HSPG2: variants seen among roughly 807,000 people sequenced by gnomAD.
The protein encoded by HSPG2 is basement membrane-specific heparan sulfate proteoglycan core protein.
In HSPG2, 278 loss-of-function variants were observed where a neutral mutation model predicts 526.6. The ratio of observed to expected loss-of-function variants is 0.53; its 90% confidence interval spans 0.48 to 0.58. The LOEUF (loss-of-function observed/expected upper bound fraction) is 0.58, where lower values mean the gene tolerates loss of function less well. Among genes scored for constraint, HSPG2 ranks in the 20% least tolerant of loss-of-function variants. The pLI is 0.00. For synonymous variants in HSPG2, 2,465 were observed against 2,555.4 expected, an observed-to-expected ratio of 0.96 and a Z score of 1.07; for missense variants, 5,354 against 6,099.5, an observed-to-expected ratio of 0.88 and a Z score of 4.07.
Position 21,864,981 on chromosome 1 carries a change from C to A in HSPG2, c.4488G>T (p.Thr1496=). 1 of 1,589,874 alleles carries A rather than the reference C, an allele frequency of 6.3e-7. No individual in the cohort carries two copies. The highest frequency in any genetic ancestry group is 8.5e-7 in the Non-Finnish European group (1 of 1,170,268). Residue 1496 remains threonine (T), a synonymous_variant, in exon 36 of 97, where the codon ACG becomes ACT. Coordinates refer to ENST00000374695, the MANE Select transcript of HSPG2 (RefSeq NM_005529.7). The surrounding 1 kb of genome is among the most constrained non-coding windows in gnomAD (Gnocchi z 4.8). ...TGGCCGCCAGCGGCACGGAGGAGAACGTGGCCCGGATCAGGAGCTCATCCA... is the reference window on the plus strand; with the variant it reads ...TGGCCGCCAGCGGCACGGAGGAGAAAGTGGCCCGGATCAGGAGCTCATCCA... ...ADLDELLIRA[T]FSSVPLAASI... is the part of the protein sequence containing the mutation.
chr1:21,830,778 G>A (rs1363242415), intron 85 of HSPG2: 5 of 597,142 alleles, frequency 8.4e-6, no homozygotes, highest in Non-Finnish European at 1.5e-5. Context: ...CAGCAGGGCT[G>A]GAGGAGGGGA....
rs773100668 is a variant in HSPG2 at position 21,872,910 on chromosome 1, G to A, written c.3888+87C>T. 1.4e-5 allele frequency: 22 copies of A among 1,546,532 alleles called. No homozygotes were observed. The highest frequency in any genetic ancestry group is 3.3e-4 in the Middle Eastern group (2 of 5,984). ...GCCCTGCCCCCCATGCCCAGGTCTC[G>A]GCTTCCACCAGATGCTGCCTGATTT... On this transcript the variant is annotated intron_variant, in intron 31 of 96. Transcript: ENST00000374695. This position sits in a 1 kb window ranked among gnomAD's most constrained non-coding sequence, Gnocchi z 5.5.
At position 21,878,225 on chromosome 1, in the gene HSPG2, A is replaced by C. The variant is rs771246913; in HGVS notation, c.2646T>G (p.Arg882=). The change falls in exon 21 of 97, where the codon CGT becomes CGG. Residue 882 remains arginine, a synonymous_variant. Transcript: ENST00000374695. Reference sequence around the variant, plus strand: ...CCTCCCCGGAGGTCCCCATGCTGCCACGCTCGTCACAGCGCACAATCTCCT... The same window carrying C: ...CCTCCCCGGAGGTCCCCATGCTGCCCCGCTCGTCACAGCGCACAATCTCCT... The part of the protein sequence containing the change: ...VNQEIVRCDE[R]GSMGTSGEAC... 1.2e-6 allele frequency: 2 copies of C among 1,613,864 alleles called. No individual in the cohort carries two copies. The highest frequency in any genetic ancestry group is 1.7e-6 in the Non-Finnish European group (2 of 1,180,014).
intron 1 of HSPG2, chr1:21,908,702 CAACTTA>C (rs1643509738): frequency 7.1e-6 from 3 of 420,400 alleles, no homozygotes; most frequent in Admixed American, 8.2e-5. Flanking sequence ...TGAAAGCCAT[CAACTTA>C]AACGACCCCA....
At chr1:21,889,936 C>CTTT in intron 6 of HSPG2, 45 bp downstream of exon 6, 1 of 1,610,266 alleles carries the variant, frequency 6.2e-7, no homozygotes, top group Non-Finnish European at 8.5e-7. Flanking sequence ...AAAGGGGACC[C>CTTT]CACGAGTCTG....
At chr1:21,900,911 G>A (rs528154983) in intron 1 of HSPG2, among the ~76,000 whole-genome samples, 1 of 152,000 alleles carries the variant, frequency 6.6e-6, no homozygotes, top group East Asian at 1.9e-4. Flanking sequence ...CAAGCTCATT[G>A]GGTGCCAAGC....
chr1:21,824,472 G>C lies in HSPG2; in HGVS notation c.12744+65C>G. 1 of 1,602,790 alleles carries C rather than the reference G, an allele frequency of 6.2e-7. No homozygotes were observed. The highest frequency in any genetic ancestry group is 8.5e-7 in the Non-Finnish European group (1 of 1,172,258). On this transcript the variant is annotated intron_variant, in intron 93 of 96. Transcript: ENST00000374695. This position sits in a 1 kb window ranked among gnomAD's most constrained non-coding sequence, Gnocchi z 5.9. ...TGCTTTCCCCTCCCCCCACCACTCC[G>C]GCCACCAGGAAGCCAGCTTCCTGCC...
intron 46 of HSPG2, 35 bp from the exon 47 acceptor site, chr1:21,855,481 C>T: frequency 6.2e-7 from 1 of 1,612,394 alleles, no homozygotes; most frequent in Non-Finnish European, 8.5e-7. Flanking sequence ...ACGCCCTGGG[C>T]TGAGCACACT....
chr1:21,836,685 G>T, intron 75 of HSPG2, 117 bp downstream of exon 75: 1 of 858,288 alleles, frequency 1.2e-6, no homozygotes, highest in Non-Finnish European at 1.9e-6. Flanking sequence ...GAGGTAAAGT[G>T]ATGTGTCCAA....
In HSPG2 at chr1:21,873,366, C is replaced by G; in HGVS notation, c.3793+9G>C. 2 of 1,614,216 alleles carry G rather than the reference C, an allele frequency of 1.2e-6. No homozygotes were observed. The highest frequency in any genetic ancestry group is 8.5e-7 in the Non-Finnish European group (1 of 1,180,024). ...ACCCGACCCCAATGACCTCCCCAAT[C>G]CTACTCACTCTGGCATGGCTGGCCC... is the stretch of plus-strand genomic sequence containing the variant. On this transcript the variant is annotated intron_variant, in intron 30 of 96. Coordinates refer to ENST00000374695, the MANE Select transcript of HSPG2 (RefSeq NM_005529.7).
chr1:21,863,065 A>ACAAC (rs1284437509), intron 37 of HSPG2, among the ~76,000 whole-genome samples: 2 of 72,646 alleles, frequency 2.8e-5, no homozygotes, highest in South Asian at 5.5e-4. Flanking sequence ...CATCTCAAAA[A>ACAAC]AAAAAAAAAA....
chr1:21,842,957 T>C, intron 66 of HSPG2, 36 bp from the exon 67 acceptor site: 1 of 1,612,958 alleles, frequency 6.2e-7, no homozygotes, highest in Non-Finnish European at 8.5e-7. Flanking sequence ...GAGGCCAGGC[T>C]CCGGGGATCA....
chr1:21,833,021 A>C (rs1012990166), intron 80 of HSPG2: 2 of 587,070 alleles, frequency 3.4e-6, no homozygotes, highest in Non-Finnish European at 6.2e-6. Context: ...ACTGGGGGTG[A>C]TGCCCCGGTG....
In HSPG2 at chr1:21,824,694, C is replaced by G; in HGVS notation, c.12665+10G>C. ...ATTAGGCCCATGGGCCCTTCCAATG[C>G]CAGTCTCACCTCCTGGAGAAGACAT... On this transcript the variant is annotated intron_variant, in intron 92 of 96. Transcript: ENST00000374695. The surrounding 1 kb of genome is among the most constrained non-coding windows in gnomAD (Gnocchi z 5.9). 12 of 1,613,692 alleles carry G rather than the reference C, an allele frequency of 7.4e-6. No homozygotes were observed. Among genetic ancestry groups the G allele is most frequent in the Non-Finnish European group, 1.0e-5 (12 of 1,179,842 alleles).
chr1:21,868,522 G>A (rs1311275510), intron 33 of HSPG2, among the ~76,000 whole-genome samples: 2 of 152,202 alleles, frequency 1.3e-5, no homozygotes, highest in Admixed American at 6.5e-5. Flanking sequence ...TGTACACGAC[G>A]CAGCACACAG....
At chr1:21,831,414 G>C (rs774158966) in intron 83 of HSPG2, 49 bp downstream of exon 83, 42 of 1,606,144 alleles carry the variant, frequency 2.6e-5, no homozygotes, top group Admixed American at 5.0e-5. Flanking sequence ...GGCTCTTCCA[G>C]CCAGCCAGGT....
rs151039517 is a variant in HSPG2, at chr1:21,879,098, C to A, written c.2367G>T (p.Gly789=). The change falls in exon 18 of 97, where the codon GGG becomes GGT. Residue 789 remains glycine, a synonymous_variant. Coordinates refer to ENST00000374695, the MANE Select transcript of HSPG2 (RefSeq NM_005529.7). ...CAGCCTTGCACTTGTTGCACTGTGG[C>A]CCCTCCGTGTTGTGCTGGCAATTCT... The part of the protein sequence containing the change: ...HCLNCQHNTE[G]PQCNKCKAGF... 9 of 1,614,120 alleles carry A rather than the reference C, an allele frequency of 5.6e-6. No individual in the cohort carries two copies. Among genetic ancestry groups the A allele is most frequent in the South Asian group, 5.5e-5 (5 of 91,088 alleles).
Position 21,855,902 on chromosome 1 carries a change from G to A in HSPG2, c.5586C>T (p.Thr1862=). 6.2e-7 allele frequency: 1 copy of A among 1,610,018 alleles called. No homozygotes were observed. Among genetic ancestry groups the A allele is most frequent in the Non-Finnish European group, 8.5e-7 (1 of 1,179,962 alleles). The change falls in exon 45 of 97, where the codon ACC becomes ACT. Residue 1862 remains threonine (T), a synonymous_variant. Transcript: ENST00000374695. Reference sequence around the variant, plus strand: ...GGATGGAGACCACGGGGGCGGACAAGGTGCCCGAGGCTGACAAGGGAGGAA... The same window carrying A: ...GGATGGAGACCACGGGGGCGGACAAAGTGCCCGAGGCTGACAAGGGAGGAA... ...TATLHVQASG[T]LSAPVVSIHP... is the part of the protein sequence containing the mutation.
chr1:21,836,219 C>G (rs984441421), intron 75 of HSPG2, among the ~76,000 whole-genome samples: 3 of 152,086 alleles, frequency 2.0e-5, no homozygotes, highest in African/African-American at 7.2e-5. Flanking sequence ...GGCCCCAGGG[C>G]CTGTTCTCTT....
Sources: allele counts gnomAD v4.1 joint callset (sites outside exome capture counted in the v4.1 genomes callset), GRCh38; gene constraint gnomAD v4.1.1; non-coding constraint Gnocchi (gnomAD v3.1); transcripts MANE v1.5; gene names NCBI Gene and HGNC (gene_info 2026-07-23, HGNC 2026-07-21).